ZNF780B: variants seen among roughly 807,000 people sequenced by gnomAD.
ZNF780B encodes the protein zinc finger protein 779.
In ZNF780B, 52 loss-of-function variants were observed where a neutral mutation model predicts 74.1. The ratio of observed to expected loss-of-function variants is 0.70; its 90% CI spans 0.56 to 0.88. ZNF780B has a LOEUF of 0.88. Ranked by LOEUF, ZNF780B falls within the 40% of genes least tolerant of loss-of-function variation. ZNF780B has a pLI of 0.00. For missense variants in ZNF780B, 953 were observed against 1,007.6 expected (o/e 0.95, Z 0.73); for synonymous variants, 315 against 324.3 (o/e 0.97, Z 0.31).
chr19:40,047,812 A>G lies in ZNF780B; in HGVS notation c.137-342T>C, dbSNP rs557284129. 2.6e-5 allele frequency among the ~76,000 whole-genome samples: 4 copies of G among 152,194 alleles called. No homozygotes were observed. The East Asian group carries it at 7.7e-4, about 29-fold the overall frequency. On this transcript the variant is annotated intron_variant, in intron 3 of 4. Transcript: ENST00000434248. The stretch of plus-strand genomic sequence containing the variant: ...AACTCTCTGTCCTTCAGTTTTCCCA[A>G]CTCTAAAACAGAAATATAATAATGC...
chr19:40,028,819 T>C lies in ZNF780B; in HGVS notation c.*5538A>G, dbSNP rs1444993528. 3 of 152,218 alleles carry C rather than the reference T, an allele frequency of 2.0e-5. No individual in the cohort carries two copies. Among genetic ancestry groups the C allele is most frequent in the African/African-American group, 7.2e-5 (3 of 41,460 alleles). The allele number at this position is 152,218 out of a possible 1,614,324, so 9.4% of individuals were successfully genotyped here. Reference sequence around the variant, plus strand: ...AATAGTAAATAATTCTGGTTACCCTTCACCCAGATTTCTCAAATATTAATA... The same window carrying C: ...AATAGTAAATAATTCTGGTTACCCTCCACCCAGATTTCTCAAATATTAATA... On this transcript the variant is annotated 3_prime_UTR_variant, in exon 5 of 5. Transcript: ENST00000434248.
intron 4 of ZNF780B, among the ~76,000 whole-genome samples, chr19:40,037,538 C>T (rs1194354216): frequency 1.3e-5 from 2 of 152,210 alleles, no homozygotes; most frequent in African/African-American, 4.8e-5. Context: ...GATCTCCCAA[C>T]ATGCTGTGAT....
chr19:40,040,527 A>G (rs1972583810), intron 4 of ZNF780B, among the ~76,000 whole-genome samples: 1 of 152,168 alleles, frequency 6.6e-6, no homozygotes, highest in Admixed American at 6.5e-5. Context: ...TCGGCTGTGA[A>G]TCCATCTGGT....
chr19:40,047,435 G>A lies in ZNF780B; in HGVS notation c.172C>T (p.Leu58=). Reference sequence around the variant, plus strand: ...ATCCAGGGCTCTTTCTCTTGCTCTAGTAATGTAATCACATCTGGCTTAGAA... The same window carrying A: ...ATCCAGGGCTCTTTCTCTTGCTCTAATAATGTAATCACATCTGGCTTAGAA... ...SISKPDVITL[L]EQEKEPWIVV... Residue 58 remains leucine, a synonymous_variant, in exon 4 of 5, where the codon CTA becomes TTA. Coordinates refer to ENST00000434248, the MANE Select transcript of ZNF780B (RefSeq NM_001005851.3). 2 of 1,613,712 alleles carry A rather than the reference G, an allele frequency of 1.2e-6. No individual in the cohort carries two copies. The highest frequency in any genetic ancestry group is 1.7e-6 in the Non-Finnish European group (2 of 1,179,828).
chr19:40,032,341 T>C lies in ZNF780B; in HGVS notation c.*2016A>G. On this transcript the variant is annotated 3_prime_UTR_variant, in exon 5 of 5. Coordinates refer to ENST00000434248, the MANE Select transcript of ZNF780B (RefSeq NM_001005851.3). ...TACCCACCATAATTTGAGAGCATAC[T>C]TTCATGGGGTTTCCATGCTACAATA... is the stretch of plus-strand genomic sequence containing the variant. 1 of 382,518 alleles carries C rather than the reference T, an allele frequency of 2.6e-6. No individual in the cohort carries two copies. The highest frequency in any genetic ancestry group is 2.0e-5 in the South Asian group (1 of 49,112). 23.7% of individuals were successfully genotyped at this position (382,518 alleles called of 1,614,324 possible).
chr19:40,031,676 G>A lies in ZNF780B; in HGVS notation c.*2681C>T, dbSNP rs570954703. ...ATCTTGGCTCCCTATACAATCCAAA[G>A]GGTGCCAGTTTTGTACTGAGTACAG... is the stretch of plus-strand genomic sequence containing the variant. On this transcript the variant is annotated 3_prime_UTR_variant, in exon 5 of 5. Transcript: ENST00000434248. 59 of 164,668 alleles carry A rather than the reference G, an allele frequency of 3.6e-4. No homozygotes were observed. Among genetic ancestry groups the A allele is most frequent in the African/African-American group, 1.4e-3 (57 of 41,830 alleles). 10.2% of individuals were successfully genotyped at this position (164,668 alleles called of 1,614,324 possible).
rs1393944856 is a variant in ZNF780B, at chr19:40,035,482, T to A, written c.1377A>T (p.Gln459His). The change falls in exon 5 of 5, where the codon CAA becomes CAT. Residue 459 changes from glutamine to histidine, a missense_variant. Coordinates refer to ENST00000434248, the MANE Select transcript of ZNF780B (RefSeq NM_001005851.3). ...ECEMAFRYHY[Q>H]LIQHCQIHTG... is the part of the protein sequence containing the mutation. ...TATGAATTTGGCAATGTTGAATAAGTTGGTAATGATATCGAAAGGCCATCT... is the reference window on the plus strand; with the variant it reads ...TATGAATTTGGCAATGTTGAATAAGATGGTAATGATATCGAAAGGCCATCT... 1 of 1,614,150 alleles carries A rather than the reference T, an allele frequency of 6.2e-7. No homozygotes were observed. Among genetic ancestry groups the A allele is most frequent in the East Asian group, 2.2e-5 (1 of 44,874 alleles).
At chr19:40,037,534 C>A (rs1344974351) in intron 4 of ZNF780B, among the ~76,000 whole-genome samples, 1 of 152,154 alleles carries the variant, frequency 6.6e-6, no homozygotes, top group Non-Finnish European at 1.5e-5. Context: ...CCTTGATCTC[C>A]CAACATGCTG....
Position 40,029,450 on chromosome 19 carries a change from T to C in ZNF780B, c.*4907A>G, listed in dbSNP as rs558877669. Reference sequence around the variant, plus strand: ...CAGGCCTTAAAAGGAGATAAACTTCTCAGCTATCACCATACATAAAACATA... The same window carrying C: ...CAGGCCTTAAAAGGAGATAAACTTCCCAGCTATCACCATACATAAAACATA... On this transcript the variant is annotated 3_prime_UTR_variant, in exon 5 of 5. Transcript: ENST00000434248. 1 of 154,932 alleles carries C rather than the reference T, an allele frequency of 6.5e-6. No homozygotes were observed. Among genetic ancestry groups the C allele is most frequent in the South Asian group, 2.0e-4 (1 of 4,920 alleles). The allele number at this position is 154,932 out of a possible 1,614,324, so 9.6% of individuals were successfully genotyped here.
Position 40,035,571 on chromosome 19 carries a change from C to T in ZNF780B, c.1288G>A (p.Ala430Thr). The change falls in exon 5 of 5, where the codon GCA (alanine) becomes ACA (threonine). Residue 430 changes from alanine (A) to threonine (T), a missense_variant. By Grantham distance (58) the Ala-to-Thr change is moderately conservative. Transcript: ENST00000434248. ...KECGKGFNRG[A>T]NLIQHQKIHS... is the part of the protein sequence containing the mutation. Reference sequence around the variant, plus strand: ...ATTTTTTGATGCTGAATAAGATTTGCACCACGATTAAAGCCTTTCCCACAC... The same window carrying T: ...ATTTTTTGATGCTGAATAAGATTTGTACCACGATTAAAGCCTTTCCCACAC... The T allele has an allele frequency of 1.3e-6, 2 of 1,597,688 alleles. No homozygotes were observed. Among genetic ancestry groups the T allele is most frequent in the Non-Finnish European group, 1.7e-6 (2 of 1,173,128 alleles).
In ZNF780B at chr19:40,028,934, C is replaced by T. The variant is rs753613183; in HGVS notation, c.*5423G>A. ...CCATAAGTTATGTCACATGACAACA[C>T]CTTGGAGAAATAACTGCAGTCCTTA... On this transcript the variant is annotated 3_prime_UTR_variant, in exon 5 of 5. Coordinates refer to ENST00000434248, the MANE Select transcript of ZNF780B (RefSeq NM_001005851.3). The T allele has an allele frequency of 2.6e-5, 4 of 152,212 alleles. No individual in the cohort carries two copies. The highest frequency in any genetic ancestry group is 7.2e-5 in the African/African-American group (3 of 41,434). 9.4% of individuals were successfully genotyped at this position (152,212 alleles called of 1,614,324 possible).
intron 2 of ZNF780B, among the ~76,000 whole-genome samples, chr19:40,050,034 A>C (rs1350000257): frequency 6.6e-6 from 1 of 151,882 alleles, no homozygotes; most frequent in Non-Finnish European, 1.5e-5. Context: ...CATCTCTACC[A>C]AAAATACAAA....
chr19:40,045,895 G>A (rs1972912768), intron 4 of ZNF780B, among the ~76,000 whole-genome samples: 1 of 152,144 alleles, frequency 6.6e-6, no homozygotes, highest in African/African-American at 2.4e-5. Flanking sequence ...GGCTGAGGCA[G>A]GAGAATTGCT....
intron 4 of ZNF780B, among the ~76,000 whole-genome samples, chr19:40,045,847 G>C (rs1297340764): frequency 6.6e-6 from 1 of 152,104 alleles, no homozygotes; most frequent in Non-Finnish European, 1.5e-5. Context: ...AATTAGCCAG[G>C]CGTGGTGGCA....
Position 40,032,378 on chromosome 19 carries a change from G to C in ZNF780B, c.*1979C>G, listed in dbSNP as rs1334111243. ...TCCATGCTACAATACACTAAAGAGA[G>C]ATAACCAAATGCAATGCAGAATCTG... On this transcript the variant is annotated 3_prime_UTR_variant, in exon 5 of 5. Transcript: ENST00000434248. 2.5e-6 allele frequency: 1 copy of C among 393,982 alleles called. No homozygotes were observed. 24.4% of individuals were successfully genotyped at this position (393,982 alleles called of 1,614,324 possible). A position where few individuals can be genotyped will look rare whatever the true frequency, so the allele number is the denominator to read the frequency against.
Position 40,035,081 on chromosome 19 carries a change from G to T in ZNF780B, c.1778C>A (p.Ala593Asp). 2 of 1,614,078 alleles carry T rather than the reference G, an allele frequency of 1.2e-6. No homozygotes were observed. The highest frequency in any genetic ancestry group is 1.7e-6 in the Non-Finnish European group (2 of 1,179,998). The change falls in exon 5 of 5, where the codon GCC (alanine) becomes GAC (aspartate). Residue 593 changes from alanine to aspartate, a missense_variant. Transcript: ENST00000434248. ...AATAAGGTGCATATGAAGTCGAAAG[G>T]CTTTCCCACATTCCTTACATTCAAA... ...KPFECKECGK[A>D]FRLHMHLIRH...
rs780738928 is a variant in ZNF780B, at chr19:40,036,215, T to C, written c.644A>G (p.His215Arg). 2 of 1,611,622 alleles carry C rather than the reference T, an allele frequency of 1.2e-6. No homozygotes were observed. The highest frequency in any genetic ancestry group is 1.7e-6 in the Non-Finnish European group (2 of 1,179,318). Residue 215 changes from histidine (H) to arginine (R), a missense_variant, in exon 5 of 5, where the codon CAT becomes CGT. Transcript: ENST00000434248. ...ACATTCAAAAGTTTTCTCACCAGTA[T>C]GAAATTTCTGATGTCGAGTAAGTTG... The part of the protein sequence containing the change: ...HIQLTRHQKF[H>R]TGEKTFECKE...
chr19:40,034,379 A>G lies in ZNF780B; in HGVS notation c.2480T>C (p.Ile827Thr). 1 of 1,607,450 alleles carries G rather than the reference A, an allele frequency of 6.2e-7. No individual in the cohort carries two copies. Among genetic ancestry groups the G allele is most frequent in the Non-Finnish European group, 8.5e-7 (1 of 1,176,110 alleles). ...PSDISSNLLN[I>T]RKFILG ...TTTTCACCCAAGTATGAATTTTCTG[A>G]TGTTCAGTAAGTTGCTACTGATGTC... The change falls in exon 5 of 5, where the codon ATC (isoleucine) becomes ACC (threonine). Residue 827 changes from isoleucine (I) to threonine (T), a missense_variant. Coordinates refer to ENST00000434248, the MANE Select transcript of ZNF780B (RefSeq NM_001005851.3).
At chr19:40,051,631 A>G (rs1973239279) in intron 1 of ZNF780B, among the ~76,000 whole-genome samples, 1 of 152,244 alleles carries the variant, frequency 6.6e-6, no homozygotes, top group Non-Finnish European at 1.5e-5. Context: ...CATAAAAAAC[A>G]AAAAACTGTG....
Sources: allele counts gnomAD v4.1 joint callset (sites outside exome capture counted in the v4.1 genomes callset), GRCh38; gene constraint gnomAD v4.1.1; transcripts MANE v1.5; gene names NCBI Gene and HGNC (gene_info 2026-07-23, HGNC 2026-07-21).